Variants in GNAS-AS1 observed in about 807,000 individuals in gnomAD.
GNAS-AS1 encodes GNAS antisense RNA 1, also known as GNAS antisense RNA 1 (non-protein coding).
At position 58,840,074 on chromosome 20, in the gene GNAS-AS1, G is replaced by A. The variant is rs1489482226; in HGVS notation, n.819+1863C>T. On this transcript the variant is annotated intron_variant and non_coding_transcript_variant, in intron 4 of 4. Coordinates refer to ENST00000424094, the Ensembl canonical transcript of GNAS-AS1. The surrounding 1 kb of genome is among the most constrained non-coding windows in gnomAD (Gnocchi z 6.0). Reference sequence around the variant, plus strand: ...GGAGCCACTCTCTGCAGAGCCAGAGGGCAGGCCGGCTTCTCGGTGTGTGCC... The same window carrying A: ...GGAGCCACTCTCTGCAGAGCCAGAGAGCAGGCCGGCTTCTCGGTGTGTGCC... The A allele has an allele frequency of 1.2e-6, 2 of 1,607,372 alleles. No individual in the cohort carries two copies. Among genetic ancestry groups the A allele is most frequent in the South Asian group, 1.1e-5 (1 of 91,042 alleles).
chr20:58,823,978 A>G (rs893278811), intron 4 of GNAS-AS1: 1 of 398,698 alleles, frequency 2.5e-6, no homozygotes, highest in Admixed American at 4.4e-5. Context: ...GTACACACCT[A>G]TGCAGCGAGG....
intron 4 of GNAS-AS1, among the ~76,000 whole-genome samples, chr20:58,822,977 C>A (rs566144331): frequency 6.6e-6 from 1 of 152,144 alleles, no homozygotes; most frequent in African/African-American, 2.4e-5. Flanking sequence ...CCAGCACCTG[C>A]GCTCTTGCCT....
intron 4 of GNAS-AS1, among the ~76,000 whole-genome samples, chr20:58,831,139 A>C (rs1365488704): frequency 6.6e-6 from 1 of 152,204 alleles, no homozygotes; most frequent in Non-Finnish European, 1.5e-5. Flanking sequence ...AAAATATAAA[A>C]AGAAGTCCAG....
intron 4 of GNAS-AS1, chr20:58,836,392 T>A (rs533720386): frequency 6.6e-6 from 1 of 152,346 alleles, no homozygotes; most frequent in South Asian, 2.1e-4. Flanking sequence ...TAATAAATCT[T>A]AAGGCCTCTT....
chr20:58,849,634 C>T (rs1048975907), intron 1 of GNAS-AS1, among the ~76,000 whole-genome samples: 2 of 152,222 alleles, frequency 1.3e-5, no homozygotes, highest in African/African-American at 4.8e-5. Context: ...ACTGACTTCC[C>T]TGTCCCACTC....
intron 2 of GNAS-AS1, among the ~76,000 whole-genome samples, chr20:58,843,620 G>A (rs539610947): frequency 6.6e-6 from 1 of 152,356 alleles, no homozygotes; most frequent in South Asian, 2.1e-4. Context: ...TGAATTACCA[G>A]CCACTTTTAA....
At chr20:58,829,981 G>C (rs995202225) in intron 4 of GNAS-AS1, among the ~76,000 whole-genome samples, 2 of 152,052 alleles carry the variant, frequency 1.3e-5, no homozygotes, top group African/African-American at 4.8e-5. Flanking sequence ...AGCTTCTAAG[G>C]CTTTCCATTA....
chr20:58,838,864 C>G (rs1437871018), intron 4 of GNAS-AS1: 1 of 388,488 alleles, frequency 2.6e-6, no homozygotes, highest in Non-Finnish European at 4.5e-6. Flanking sequence ...TTGCAGTGAC[C>G]CAAGATCACA....
chr20:58,820,162 A>ATGCAC (rs2085476230), intron 4 of GNAS-AS1, among the ~76,000 whole-genome samples: 1 of 152,262 alleles, frequency 6.6e-6, no homozygotes, highest in Non-Finnish European at 1.5e-5. Context: ...CCAGCCACCC[A>ATGCAC]TGCACATGAC....
At chr20:58,819,726 C>T (rs117917416) in intron 4 of GNAS-AS1, among the ~76,000 whole-genome samples, 3,223 of 152,212 alleles carry the variant, frequency 0.021, 137 homozygotes, top group Admixed American at 0.11. Context: ...CCTGTAGGGC[C>T]GGGGCAAGGA....
At chr20:58,838,859 G>A in intron 4 of GNAS-AS1, 1 of 386,340 alleles carries the variant, frequency 2.6e-6, no homozygotes, top group Non-Finnish European at 4.5e-6. Flanking sequence ...AGAGGTTGCA[G>A]TGACCCAAGA....
intron 4 of GNAS-AS1, among the ~76,000 whole-genome samples, chr20:58,832,764 T>C (rs576032190): frequency 1.3e-5 from 2 of 152,364 alleles, no homozygotes; most frequent in Admixed American, 1.3e-4. Flanking sequence ...TTTGTTTTTC[T>C]AACTAACTGA....
chr20:58,850,247 T>C (rs1353014306), intron 1 of GNAS-AS1, among the ~76,000 whole-genome samples: 3 of 152,188 alleles, frequency 2.0e-5, no homozygotes, highest in Admixed American at 6.5e-5. Context: ...TTTCTTCCAT[T>C]TGTATGCTGC....
In GNAS-AS1 at chr20:58,830,153, C is replaced by T. The variant is rs879508062; in HGVS notation, n.820-10898G>A. 9.4e-3 allele frequency among the ~76,000 whole-genome samples: 1,431 copies of T among 151,654 alleles called. 11 individuals carry two copies. Among genetic ancestry groups the T allele is most frequent in the Middle Eastern group, 0.021 (6 of 292 alleles). ...GGCCATTACCACCACCATACCACCA[C>T]CACCACCACTGCTATACCACTATCA... is the stretch of plus-strand genomic sequence containing the variant. On this transcript the variant is annotated intron_variant and non_coding_transcript_variant, in intron 4 of 4. Coordinates refer to ENST00000424094, the Ensembl canonical transcript of GNAS-AS1.
At chr20:58,836,223 C>T (rs2085602065) in intron 4 of GNAS-AS1, 1 of 152,184 alleles carries the variant, frequency 6.6e-6, no homozygotes, top group Admixed American at 6.5e-5. Context: ...AAAACATCTC[C>T]AGTGTGTGGT....
intron 4 of GNAS-AS1, among the ~76,000 whole-genome samples, chr20:58,834,986 C>T (rs913555488): frequency 6.6e-6 from 1 of 152,216 alleles, no homozygotes; most frequent in Admixed American, 6.5e-5. Context: ...ACCATTTCTA[C>T]TGGTGAGAGC....
At chr20:58,835,370 C>A (rs1376454107) in intron 4 of GNAS-AS1, among the ~76,000 whole-genome samples, 5 of 152,098 alleles carry the variant, frequency 3.3e-5, no homozygotes, top group Non-Finnish European at 7.4e-5. Flanking sequence ...CTGACAATAG[C>A]CTGCAAGCCT....
rs866896417 is a variant in GNAS-AS1 at position 58,838,791 on chromosome 20, C to T, written n.819+3146G>A. 8.5e-5 allele frequency: 33 copies of T among 389,134 alleles called. No homozygotes were observed. The Middle Eastern group carries it at 2.0e-3, about 23-fold the overall frequency. 24.1% of individuals were successfully genotyped at this position (389,134 alleles called of 1,614,324 possible). ...AATTAGCCGAGCGTAGTGGTGCACG[C>T]CTGTAATCCCAGCTACTCAGGAGGC... On this transcript the variant is annotated intron_variant and non_coding_transcript_variant, in intron 4 of 4. Transcript: ENST00000424094.
In GNAS-AS1 at chr20:58,840,637, C is replaced by T. The variant is rs756503903; in HGVS notation, n.819+1300G>A. ...GAAGCCCCGACGCCTCCCCAAGTCGCGCGCCGCCCAGCACTCAGGAGCCCC... is the reference window on the plus strand; with the variant it reads ...GAAGCCCCGACGCCTCCCCAAGTCGTGCGCCGCCCAGCACTCAGGAGCCCC... On this transcript the variant is annotated intron_variant and non_coding_transcript_variant, in intron 4 of 4. Transcript: ENST00000424094. The surrounding 1 kb of genome is among the most constrained non-coding windows in gnomAD (Gnocchi z 6.0). 1 of 1,606,198 alleles carries T rather than the reference C, an allele frequency of 6.2e-7. No homozygotes were observed. Among genetic ancestry groups the T allele is most frequent in the Admixed American group, 1.7e-5 (1 of 59,854 alleles).
Sources: allele counts gnomAD v4.1 joint callset (sites outside exome capture counted in the v4.1 genomes callset), GRCh38; gene constraint gnomAD v4.1.1; non-coding constraint Gnocchi (gnomAD v3.1); transcripts MANE v1.5; gene names NCBI Gene and HGNC (gene_info 2026-07-23, HGNC 2026-07-21).